Variants in CCNF observed in about 807,000 individuals in gnomAD.
CCNF encodes cyclin F, also known as cyclin-F.
In CCNF, 30 loss-of-function variants were observed where a neutral mutation model predicts 85.4. The observed-to-expected ratio is 0.35, with a 90% CI of 0.26 to 0.48. CCNF has a LOEUF of 0.48. Among genes scored for constraint, CCNF ranks in the 20% least tolerant of loss-of-function variants. The probability of loss-of-function intolerance (pLI) is 0.99; values close to 1 mark genes in which losing one functional copy is unlikely to be tolerated. For synonymous variants in CCNF, 439 were observed against 425.1 expected, an observed-to-expected ratio of 1.03 and a Z score of -0.40; for missense variants, 919 against 1,010.4, an observed-to-expected ratio of 0.91 and a Z score of 1.23.
At chr16:2,432,309 T>C (rs1260994703) in intron 2 of CCNF, among the ~76,000 whole-genome samples, 2 of 151,928 alleles carry the variant, frequency 1.3e-5, no homozygotes, top group Non-Finnish European at 2.9e-5. Context: ...TAACCTAGAG[T>C]ATATAGTGGA....
chr16:2,456,932 G>C lies in CCNF; in HGVS notation c.2273G>C (p.Ser758Thr). Residue 758 changes from serine to threonine, a missense_variant, in exon 17 of 17, where the codon AGC becomes ACC. Transcript: ENST00000397066. This position sits in a 1 kb window ranked among gnomAD's most constrained non-coding sequence, Gnocchi z 4.5. ...LQCRPPSPPE[S>T]SVPQQQVKRI... ...TGTCGTCCCCCAAGTCCCCCGGAGA[G>C]CAGTGTTCCCCAGCAACAGGTGAAG... 1 of 1,614,104 alleles carries C rather than the reference G, an allele frequency of 6.2e-7. No individual in the cohort carries two copies. Among genetic ancestry groups the C allele is most frequent in the Non-Finnish European group, 8.5e-7 (1 of 1,180,012 alleles).
rs995798611 is a variant in CCNF, at chr16:2,452,184, C to T, written c.1488-1026C>T. ...GTACGTCACCCAGGGCCTCGCTGTC[C>T]GGCTTCCAGGATGAGATCAGAACTC... On this transcript the variant is annotated intron_variant, in intron 13 of 16. Transcript: ENST00000397066. The surrounding 1 kb of genome is among the most constrained non-coding windows in gnomAD (Gnocchi z 4.1). 3.9e-5 allele frequency among the ~76,000 whole-genome samples: 6 copies of T among 152,332 alleles called. No homozygotes were observed. Among genetic ancestry groups the T allele is most frequent in the African/African-American group, 7.2e-5 (3 of 41,572 alleles).
intron 9 of CCNF, among the ~76,000 whole-genome samples, chr16:2,444,194 C>G (rs1422977436): frequency 6.6e-5 from 10 of 151,982 alleles, no homozygotes; most frequent in Non-Finnish European, 1.5e-5. Flanking sequence ...GCTGGGATTA[C>G]AGGCGTGAGC....
chr16:2,454,734 G>A (rs372100662), intron 15 of CCNF, among the ~76,000 whole-genome samples: 246 of 152,296 alleles, frequency 1.6e-3, no homozygotes, highest in African/African-American at 5.3e-3. Context: ...TCTGCCTGGC[G>A]CCGGGCTAAG....
chr16:2,439,997 G>C (rs1156375733), intron 8 of CCNF, among the ~76,000 whole-genome samples, 171 bp downstream of exon 8: 1 of 152,168 alleles, frequency 6.6e-6, no homozygotes, highest in Admixed American at 6.5e-5. Flanking sequence ...GGTCCTAAAG[G>C]ACAGGTACAC....
chr16:2,449,602 C>A, intron 12 of CCNF, 140 bp downstream of exon 12: 2 of 856,364 alleles, frequency 2.3e-6, no homozygotes, highest in South Asian at 3.5e-5. Flanking sequence ...CTCCTACCTT[C>A]AGTGATGTCC....
chr16:2,439,272 T>C, intron 6 of CCNF, 81 bp from the exon 7 acceptor site: 1 of 1,248,426 alleles, frequency 8.0e-7, no homozygotes, highest in Non-Finnish European at 1.1e-6. Context: ...CACTCCAACC[T>C]GGGCGACGAG....
Position 2,437,923 on chromosome 16 carries a change from GAC to G in CCNF, c.541-146_541-145del. ...CCCTTTAAAAAAAAAAAAAAAAAAA[GAC>G]TGAAATCTGGGAGTGGCCCTCTGCA... is the stretch of plus-strand genomic sequence containing the variant. On this transcript the variant is annotated intron_variant, in intron 5 of 16. Transcript: ENST00000397066. The G allele has an allele frequency of 1.7e-5, 6 of 359,958 alleles. No homozygotes were observed. In the South Asian group the frequency reaches 2.2e-4, roughly 13 times the overall value. The allele number at this position is 359,958 out of a possible 1,614,324, so 22.3% of individuals were successfully genotyped here. A position where few individuals can be genotyped will look rare whatever the true frequency, so the allele number is the denominator to read the frequency against.
rs1206007767 is a variant in CCNF at position 2,453,513 on chromosome 16, C to A, written c.1691C>A (p.Ser564Tyr). Reference sequence around the variant, plus strand: ...GGGGAGATCCACGCCTTCCTCAGCTCTCCCTCGGGGCGGAGAACCAAACGG... The same window carrying A: ...GGGGAGATCCACGCCTTCCTCAGCTATCCCTCGGGGCGGAGAACCAAACGG... ...STGEIHAFLS[S>Y]PSGRRTKRKR... Residue 564 changes from serine to tyrosine, a missense_variant, in exon 15 of 17, where the codon TCT becomes TAT. Coordinates refer to ENST00000397066, the MANE Select transcript of CCNF (RefSeq NM_001761.3). The surrounding 1 kb of genome is among the most constrained non-coding windows in gnomAD (Gnocchi z 5.6). The A allele has an allele frequency of 1.2e-6, 2 of 1,614,106 alleles. No individual in the cohort carries two copies. The highest frequency in any genetic ancestry group is 2.2e-5 in the East Asian group (1 of 44,886).
intron 4 of CCNF, chr16:2,436,294 A>C (rs2065290853): frequency 6.4e-6 from 1 of 156,958 alleles, no homozygotes; most frequent in African/African-American, 2.4e-5. Context: ...CTAAACGGGA[A>C]GCAGGTACAG....
At chr16:2,442,299 A>G (rs1255924622) in intron 8 of CCNF, among the ~76,000 whole-genome samples, 2 of 137,910 alleles carry the variant, frequency 1.5e-5, no homozygotes, top group African/African-American at 5.4e-5. Context: ...GAGCCACCGC[A>G]CCCAGCCCTT....
chr16:2,439,260 T>C, intron 6 of CCNF, 93 bp from the exon 7 acceptor site: 1 of 1,065,926 alleles, frequency 9.4e-7, no homozygotes, highest in Non-Finnish European at 1.4e-6. Context: ...ATGGCGCCAT[T>C]GCACTCCAAC....
At chr16:2,430,672 C>G (rs888611001) in intron 1 of CCNF, among the ~76,000 whole-genome samples, 4 of 152,132 alleles carry the variant, frequency 2.6e-5, no homozygotes, top group African/African-American at 9.7e-5. Context: ...GACTTGAAAA[C>G]CAGACTCTTC....
rs745717157 is a variant in CCNF at position 2,437,115 on chromosome 16, G to A, written c.347-14G>A. On this transcript the variant is annotated splice_polypyrimidine_tract_variant and intron_variant, in intron 4 of 16. Coordinates refer to ENST00000397066, the MANE Select transcript of CCNF (RefSeq NM_001761.3). Reference sequence around the variant, plus strand: ...AAGAGACATCCCTGGGCTCTGTCCTGTCTGTCCCCGCAGTGTCTGTGTCTG... The same window carrying A: ...AAGAGACATCCCTGGGCTCTGTCCTATCTGTCCCCGCAGTGTCTGTGTCTG... 1 of 1,563,766 alleles carries A rather than the reference G, an allele frequency of 6.4e-7. No homozygotes were observed. The highest frequency in any genetic ancestry group is 8.7e-7 in the Non-Finnish European group (1 of 1,147,128).
intron 1 of CCNF, 35 bp from the exon 2 acceptor site, chr16:2,431,095 C>T: frequency 6.2e-7 from 1 of 1,607,626 alleles, no homozygotes; most frequent in Non-Finnish European, 8.5e-7. Context: ...AATAATTTTT[C>T]ATCTTATCAA....
In CCNF at chr16:2,451,516, C is replaced by T. The variant is rs923916690; in HGVS notation, c.1487+1601C>T. 6.6e-6 allele frequency among the ~76,000 whole-genome samples: 1 copy of T among 152,216 alleles called. No homozygotes were observed. The highest frequency in any genetic ancestry group is 2.1e-4 in the South Asian group (1 of 4,832). On this transcript the variant is annotated intron_variant, in intron 13 of 16. Coordinates refer to ENST00000397066, the MANE Select transcript of CCNF (RefSeq NM_001761.3). The surrounding 1 kb of genome is among the most constrained non-coding windows in gnomAD (Gnocchi z 4.3). ...TGGTCTCCCACTTCCCCGCTTCTGC[C>T]ATGGCTTCCTTTTCCTCAGCCAAAT...
intron 8 of CCNF, among the ~76,000 whole-genome samples, chr16:2,440,954 T>C (rs2141819998): frequency 6.6e-6 from 1 of 152,210 alleles, no homozygotes; most frequent in African/African-American, 2.4e-5. Flanking sequence ...CTGGATGGGC[T>C]GGGTGCAAGT....
In CCNF at chr16:2,443,782, G is replaced by T; in HGVS notation, c.911G>T (p.Gly304Val). 6.2e-7 allele frequency: 1 copy of T among 1,614,106 alleles called. No individual in the cohort carries two copies. The highest frequency in any genetic ancestry group is 8.5e-7 in the Non-Finnish European group (1 of 1,179,996). The change falls in exon 9 of 17, where the codon GGA becomes GTA. Residue 304 changes from glycine (G) to valine (V), a missense_variant. Gly to Val is a moderately radical substitution (Grantham distance 109, BLOSUM62 -3). Transcript: ENST00000397066. The stretch of plus-strand genomic sequence containing the variant: ...CAACAAGTCTTCTCCGTGCAGAAGG[G>T]ACTCAATGACACAATGAGGTGAGGC... ...SKQQVFSVQK[G>V]LNDTMRYILI... is the part of the protein sequence containing the mutation.
intron 15 of CCNF, among the ~76,000 whole-genome samples, chr16:2,454,076 T>G (rs1010104125): frequency 6.6e-6 from 1 of 152,208 alleles, no homozygotes; most frequent in Non-Finnish European, 1.5e-5. Flanking sequence ...GGGCCCTCCC[T>G]GTGCTGCTGG....
Sources: gnomAD v4.1 joint callset for allele counts (sites outside exome capture counted in the v4.1 genomes callset) on GRCh38, gnomAD v4.1.1 for gene constraint, Gnocchi (gnomAD v3.1) non-coding constraint, MANE v1.5 for transcripts, NCBI Gene and HGNC (gene_info 2026-07-23, HGNC 2026-07-21) for gene names.